The following CSGALNACT1 variants were observed in gnomAD, a reference collection of about 807,000 sequenced individuals.
The protein encoded by CSGALNACT1 is beta4GalNAcT-1.
Under a neutral mutation model 51.0 loss-of-function variants are expected in CSGALNACT1, and 52 were observed. The ratio of observed to expected loss-of-function variants is 1.02; its 90% CI spans 0.82 to 1.29. CSGALNACT1 has a LOEUF of 1.29. Ranked by LOEUF, CSGALNACT1 falls within the 50% of genes most tolerant of loss-of-function variation. The probability of loss-of-function intolerance (pLI) is 0.00; values close to 1 mark genes in which losing one functional copy is unlikely to be tolerated. For missense variants in CSGALNACT1, 935 were observed against 679.2 expected (o/e 1.38, Z -4.19); for synonymous variants, 341 against 254.4 (o/e 1.34, Z -3.24).
Position 19,695,389 on chromosome 8 carries a change from T to C in CSGALNACT1, c.-297+62461A>G, listed in dbSNP as rs181261061. ...CCTGTGGGTCTCATCCTGGGTCTTA[T>C]CTCTACTCTGCCACTAATTAGCTGT... On this transcript the variant is annotated intron_variant, in intron 1 of 1. Coordinates refer to the CSGALNACT1 transcript ENST00000517494. 5.0e-3 allele frequency among the ~76,000 whole-genome samples: 761 copies of C among 152,268 alleles called. 8 individuals carry two copies. Among genetic ancestry groups the C allele is most frequent in the African/African-American group, 0.017 (719 of 41,572 alleles).
chr8:19,507,506 C>T (rs1313466289), intron 3 of CSGALNACT1, among the ~76,000 whole-genome samples: 2 of 132,482 alleles, frequency 1.5e-5, no homozygotes, highest in Non-Finnish European at 1.5e-5. Flanking sequence ...TTTTCCTTGT[C>T]TTCCCCTACC....
chr8:19,655,577 CACATAT>C (rs141819044), intron 1 of CSGALNACT1, among the ~76,000 whole-genome samples: 44,784 of 147,098 alleles, frequency 0.3, 7,173 homozygotes, highest in East Asian at 0.57. Context: ...CACACACACA[CACATAT>C]ATATATATAT....
intron 5 of CSGALNACT1, among the ~76,000 whole-genome samples, chr8:19,457,270 A>G (rs551396679): frequency 1.3e-5 from 2 of 152,362 alleles, no homozygotes; most frequent in Admixed American, 1.3e-4. Context: ...GGTATCAACC[A>G]CACCCTTATA....
chr8:19,453,893 C>G (rs1218291869), intron 5 of CSGALNACT1, among the ~76,000 whole-genome samples: 3 of 147,876 alleles, frequency 2.0e-5, no homozygotes, highest in Non-Finnish European at 4.5e-5. Context: ...GCCTGGGTGA[C>G]AGAGTGATAC....
chr8:19,478,524 G>A (rs989925783), intron 4 of CSGALNACT1, among the ~76,000 whole-genome samples: 4 of 150,626 alleles, frequency 2.7e-5, no homozygotes, highest in African/African-American at 7.3e-5. Flanking sequence ...ACTAACTAAC[G>A]TACAGCCCAG....
intron 1 of CSGALNACT1, among the ~76,000 whole-genome samples, chr8:19,716,946 C>T (rs1231526675): frequency 1.3e-5 from 2 of 152,160 alleles, no homozygotes; most frequent in East Asian, 1.9e-4. Context: ...GTCTGCAATC[C>T]TACACTAGAG....
chr8:19,578,670 T>C (rs1219709945), intron 3 of CSGALNACT1, among the ~76,000 whole-genome samples: 1 of 152,078 alleles, frequency 6.6e-6, no homozygotes, highest in African/African-American at 2.4e-5. Flanking sequence ...CCTCTAGACC[T>C]ATACCAAGTT....
intron 1 of CSGALNACT1, among the ~76,000 whole-genome samples, chr8:19,688,062 A>C (rs903390270): frequency 2.6e-5 from 4 of 152,150 alleles, no homozygotes; most frequent in African/African-American, 9.7e-5. Context: ...CTCTCAAAAC[A>C]TCCCTCTGAA....
At chr8:19,579,191 T>C (rs1166684208) in intron 3 of CSGALNACT1, among the ~76,000 whole-genome samples, 1 of 152,202 alleles carries the variant, frequency 6.6e-6, no homozygotes, top group African/African-American at 2.4e-5. Flanking sequence ...ATCCTCAGCA[T>C]GGACTAAAAG....
chr8:19,411,067 C>T (rs1206025349), intron 8 of CSGALNACT1, among the ~76,000 whole-genome samples: 1 of 152,178 alleles, frequency 6.6e-6, no homozygotes, highest in Non-Finnish European at 1.5e-5. Context: ...CCCATTTTCT[C>T]CCTCTTGGAT....
intron 3 of CSGALNACT1, among the ~76,000 whole-genome samples, chr8:19,580,972 G>C (rs922402672): frequency 6.6e-6 from 1 of 152,094 alleles, no homozygotes; most frequent in East Asian, 1.9e-4. Context: ...GAAAAACAAA[G>C]AATTGAAAAT....
chr8:19,505,937 C>G lies in CSGALNACT1; in HGVS notation c.-103G>C, dbSNP rs142336638. The G allele has an allele frequency of 4.3e-6, 6 of 1,381,182 alleles. No individual in the cohort carries two copies. In the African/African-American group the frequency reaches 7.1e-5, roughly 16 times the overall value. The allele number at this position is 1,381,182 out of a possible 1,614,324, so 85.6% of individuals were successfully genotyped here. ...GACCACAGGAAGCATGCGTTTGGGGCCCCCGGAGCTGCTTGCATCCATTTC... is the reference window on the plus strand; with the variant it reads ...GACCACAGGAAGCATGCGTTTGGGGGCCCCGGAGCTGCTTGCATCCATTTC... On this transcript the variant is annotated 5_prime_UTR_variant, in exon 4 of 10. Coordinates refer to ENST00000454498, the Ensembl canonical transcript of CSGALNACT1.
At chr8:19,542,087 G>A (rs539243194) in intron 3 of CSGALNACT1, among the ~76,000 whole-genome samples, 19 of 152,168 alleles carry the variant, frequency 1.2e-4, no homozygotes, top group African/African-American at 3.4e-4. Context: ...CTTGATGGAA[G>A]CAAAAAGAAT....
At chr8:19,726,350 A>G (rs17091133) in intron 1 of CSGALNACT1, among the ~76,000 whole-genome samples, 58,893 of 150,478 alleles carry the variant, frequency 0.39, 11,799 homozygotes, top group East Asian at 0.62. Context: ...TGATAAATAC[A>G]GAACATTCAT....
chr8:19,553,490 C>T (rs900375408), intron 3 of CSGALNACT1, among the ~76,000 whole-genome samples: 1 of 151,628 alleles, frequency 6.6e-6, no homozygotes, highest in South Asian at 2.1e-4. Flanking sequence ...CTATCCCAAA[C>T]TCCTATCACT....
At chr8:19,614,134 C>T (rs1017967983) in intron 1 of CSGALNACT1, among the ~76,000 whole-genome samples, 3 of 152,098 alleles carry the variant, frequency 2.0e-5, no homozygotes, top group African/African-American at 7.2e-5. Context: ...ACTCTTAATG[C>T]CCCCTTTTAA....
At chr8:19,521,171 G>A (rs2080608403) in intron 3 of CSGALNACT1, among the ~76,000 whole-genome samples, 2 of 152,244 alleles carry the variant, frequency 1.3e-5, no homozygotes, top group South Asian at 4.1e-4. Context: ...AGCTGTCTAA[G>A]ATTTTAAACA....
intron 3 of CSGALNACT1, among the ~76,000 whole-genome samples, chr8:19,525,875 G>C (rs915554050): frequency 1.3e-5 from 2 of 152,092 alleles, no homozygotes; most frequent in African/African-American, 4.8e-5. Context: ...CTCCCTGAGG[G>C]ATTACTGCCA....
chr8:19,736,680 A>G (rs1407045556), intron 1 of CSGALNACT1, among the ~76,000 whole-genome samples: 13 of 152,160 alleles, frequency 8.5e-5, no homozygotes, highest in Non-Finnish European at 2.9e-5. Context: ...GAGAATTTGT[A>G]AAACAGAAAA....
Sources: gnomAD v4.1 joint callset for allele counts (sites outside exome capture counted in the v4.1 genomes callset) on GRCh38, gnomAD v4.1.1 for gene constraint, MANE v1.5 for transcripts, NCBI Gene and HGNC (gene_info 2026-07-23, HGNC 2026-07-21) for gene names.